GMPS: variants seen among roughly 807,000 people sequenced by gnomAD.
GMPS encodes GMP synthase [glutamine-hydrolyzing].
Under a neutral mutation model 77.9 loss-of-function variants are expected in GMPS, and 15 were observed. The ratio of observed to expected loss-of-function variants is 0.19; its 90% CI spans 0.13 to 0.30. The LOEUF is 0.30. Among genes scored for constraint, GMPS ranks in the 10% least tolerant of loss-of-function variants. GMPS has a pLI of 1.00. For synonymous variants in GMPS, 224 were observed against 275.9 expected (o/e 0.81, Z 1.86); for missense variants, 590 against 838.8 (o/e 0.70, Z 3.66).
chr3:155,871,605 G>C (rs1753908398), intron 1 of GMPS, among the ~76,000 whole-genome samples: 2 of 152,238 alleles, frequency 1.3e-5, no homozygotes, highest in Non-Finnish European at 2.9e-5. Context: ...TTCTCAGAGA[G>C]GAAAGGGTGT....
chr3:155,885,267 T>G (rs996782241), intron 1 of GMPS, among the ~76,000 whole-genome samples: 1 of 152,130 alleles, frequency 6.6e-6, no homozygotes, highest in South Asian at 2.1e-4. Flanking sequence ...ACATAGTAAT[T>G]TATTGAAGGC....
chr3:155,943,004 G>A lies in GMPS; in HGVS notation c.*5312G>A, dbSNP rs1755929044. 1 of 180,024 alleles carries A rather than the reference G, an allele frequency of 5.6e-6. No homozygotes were observed. The highest frequency in any genetic ancestry group is 6.3e-5 in the Admixed American group (1 of 15,914). The allele number at this position is 180,024 out of a possible 1,614,324, so 11.2% of individuals were successfully genotyped here. A position where few individuals can be genotyped will look rare whatever the true frequency, so the allele number is the denominator to read the frequency against. On this transcript the variant is annotated 3_prime_UTR_variant, in exon 16 of 16. Transcript: ENST00000496455. ...CCAGCACTTTGGGAGGCCGAGGCGG[G>A]CGGATCTCTTGAGGTCAGGAGTTTG... is the stretch of plus-strand genomic sequence containing the variant.
chr3:155,910,085 A>G (rs1379971104), intron 5 of GMPS, among the ~76,000 whole-genome samples: 1 of 151,500 alleles, frequency 6.6e-6, no homozygotes, highest in Non-Finnish European at 1.5e-5. Context: ...TCTACTAAAA[A>G]TATAAAAGAA....
Position 155,896,015 on chromosome 3 carries a change from GT to G in GMPS, c.210-1900del, listed in dbSNP as rs1392180751. On this transcript the variant is annotated intron_variant, in intron 2 of 15. Coordinates refer to ENST00000496455, the MANE Select transcript of GMPS (RefSeq NM_003875.3). ...TTCTGTTTTTTTTGTTTTTGTTTTT[GT>G]TTTTTTTTTTTGAGACGGAGTCTCG... 4.4e-4 allele frequency among the ~76,000 whole-genome samples: 62 copies of G among 141,698 alleles called. No homozygotes were observed. In the South Asian group the frequency reaches 6.7e-3, roughly 15 times the overall value. 93.0% of individuals were successfully genotyped at this position (141,698 alleles called of 152,430 possible).
intron 4 of GMPS, 149 bp downstream of exon 4, chr3:155,904,109 A>G: frequency 2.0e-6 from 1 of 495,360 alleles, no homozygotes; most frequent in Non-Finnish European, 3.6e-6. Flanking sequence ...TTTGCCTTCC[A>G]GTTGAGTGTC....
At chr3:155,902,859 T>C (rs1754765009) in intron 3 of GMPS, among the ~76,000 whole-genome samples, 1 of 152,228 alleles carries the variant, frequency 6.6e-6, no homozygotes, top group South Asian at 2.1e-4. Context: ...AGTTTTGTTT[T>C]TGAGTCTTTA....
chr3:155,916,977 A>ATT (rs35954197), intron 9 of GMPS, among the ~76,000 whole-genome samples: 97 of 144,092 alleles, frequency 6.7e-4, no homozygotes, highest in South Asian at 1.3e-3. Context: ...CTTAACTCTG[A>ATT]TTTTTTTTTT....
chr3:155,876,665 C>CCATTTATA (rs1000773865), intron 1 of GMPS, among the ~76,000 whole-genome samples: 6 of 152,154 alleles, frequency 3.9e-5, no homozygotes, highest in Non-Finnish European at 8.8e-5. Context: ...TATGGTCACT[C>CCATTTATA]CATTTATAGA....
intron 6 of GMPS, 93 bp from the exon 7 acceptor site, chr3:155,911,021 A>G: frequency 8.6e-7 from 1 of 1,165,600 alleles, no homozygotes; most frequent in Non-Finnish European, 1.2e-6. Flanking sequence ...TATCTTTGGT[A>G]TAAATAGCAC....
At chr3:155,879,808 G>A (rs1754167170) in intron 1 of GMPS, among the ~76,000 whole-genome samples, 1 of 137,628 alleles carries the variant, frequency 7.3e-6, no homozygotes, top group African/African-American at 2.7e-5. Context: ...TCAGCTCACT[G>A]CAACCTCCAC....
intron 1 of GMPS, among the ~76,000 whole-genome samples, chr3:155,880,564 A>G (rs1312045138): frequency 6.6e-6 from 1 of 152,222 alleles, no homozygotes; most frequent in South Asian, 2.1e-4. Context: ...GAGTTTTGAC[A>G]TATATATGTA....
intron 1 of GMPS, among the ~76,000 whole-genome samples, chr3:155,878,328 A>G (rs1006116469): frequency 4.6e-5 from 7 of 152,202 alleles, no homozygotes; most frequent in Admixed American, 6.5e-5. Flanking sequence ...TGTAGCATGT[A>G]TAAGTACTTT....
chr3:155,899,620 A>G (rs1156723369), intron 3 of GMPS, among the ~76,000 whole-genome samples: 1 of 152,174 alleles, frequency 6.6e-6, no homozygotes, highest in Admixed American at 6.5e-5. Flanking sequence ...CATTATTCCC[A>G]AAGTCCTTAG....
chr3:155,899,196 C>T lies in GMPS; in HGVS notation c.324+1155C>T, dbSNP rs759946457. On this transcript the variant is annotated intron_variant, in intron 3 of 15. Transcript: ENST00000496455. Reference sequence around the variant, plus strand: ...CAGCCTGACCAACATGGAGAAACCCCCGTCTCTACTAAAAATACAAAATTA... The same window carrying T: ...CAGCCTGACCAACATGGAGAAACCCTCGTCTCTACTAAAAATACAAAATTA... 7.4e-4 allele frequency among the ~76,000 whole-genome samples: 113 copies of T among 152,004 alleles called. 1 individual carries two copies. The highest frequency in any genetic ancestry group is 1.1e-3 in the Non-Finnish European group (74 of 67,982).
chr3:155,869,481 CA>C (rs1753853009), upstream of GMPS, among the ~76,000 whole-genome samples: 1 of 151,944 alleles, frequency 6.6e-6, no homozygotes, highest in Admixed American at 6.6e-5. Context: ...ATTTTCCGTT[CA>C]AAAAAAGGTA....
intron 5 of GMPS, among the ~76,000 whole-genome samples, chr3:155,910,335 G>T (rs1326655129): frequency 1.3e-5 from 2 of 152,146 alleles, no homozygotes; most frequent in African/African-American, 2.4e-5. Context: ...TTGGGAGGCT[G>T]AGGCAGGTGG....
At chr3:155,903,042 T>G (rs1465003009) in intron 3 of GMPS, among the ~76,000 whole-genome samples, 3 of 152,228 alleles carry the variant, frequency 2.0e-5, no homozygotes, top group African/African-American at 7.2e-5. Flanking sequence ...AATGAACATT[T>G]ATTTAAGTCA....
intron 1 of GMPS, among the ~76,000 whole-genome samples, chr3:155,893,093 T>C (rs1388496349): frequency 6.6e-6 from 1 of 152,228 alleles, no homozygotes; most frequent in African/African-American, 2.4e-5. Context: ...AAAAATGTTG[T>C]GCCTATTGAT....
At chr3:155,936,794 T>TA (rs995913145) in intron 15 of GMPS, among the ~76,000 whole-genome samples, 1 of 152,122 alleles carries the variant, frequency 6.6e-6, no homozygotes, top group African/African-American at 2.4e-5. Flanking sequence ...ATTCCCCAAA[T>TA]AAAAAAGAAA....
Sources: allele counts gnomAD v4.1 joint callset (sites outside exome capture counted in the v4.1 genomes callset), GRCh38; gene constraint gnomAD v4.1.1; transcripts MANE v1.5; gene names NCBI Gene and HGNC (gene_info 2026-07-23, HGNC 2026-07-21).